Variants in EIF2AK1 observed in about 807,000 individuals in gnomAD.
The protein encoded by EIF2AK1 is eukaryotic translation initiation factor 2-alpha kinase 1.
In EIF2AK1, 54 loss-of-function variants were observed where a neutral mutation model predicts 77.9. The ratio of observed to expected loss-of-function variants is 0.69; its 90% CI spans 0.56 to 0.87. The LOEUF (loss-of-function observed/expected upper bound fraction) is 0.87. Among genes scored for constraint, EIF2AK1 ranks in the 40% least tolerant of loss-of-function variants. The pLI, the probability that EIF2AK1 is intolerant of heterozygous loss-of-function variation, is 0.00. For synonymous variants in EIF2AK1, 314 were observed against 290.5 expected (o/e 1.08, Z -0.82); for missense variants, 810 against 768.6 (o/e 1.05, Z -0.64).
At chr7:6,048,922 C>T in intron 3 of EIF2AK1, 78 bp from the exon 4 acceptor site, 1 of 938,798 alleles carries the variant, frequency 1.1e-6, no homozygotes, top group Non-Finnish European at 1.6e-6. Flanking sequence ...TTCAATATCA[C>T]ATTAACAACC....
Position 6,046,985 on chromosome 7 carries a change from A to G in EIF2AK1, c.549+7T>C. 6.2e-7 allele frequency: 1 copy of G among 1,602,148 alleles called. No homozygotes were observed. The highest frequency in any genetic ancestry group is 8.5e-7 in the Non-Finnish European group (1 of 1,174,454). On this transcript the variant is annotated splice_region_variant and intron_variant, in intron 5 of 14. Coordinates refer to ENST00000199389, the MANE Select transcript of EIF2AK1 (RefSeq NM_014413.4). ...TAGTAGGTCAAAACAAGTACGTGGAAGACAACCTTGTATACTCTTCCGTAT... is the reference window on the plus strand; with the variant it reads ...TAGTAGGTCAAAACAAGTACGTGGAGGACAACCTTGTATACTCTTCCGTAT...
chr7:6,051,080 A>T lies in EIF2AK1; in HGVS notation c.278-1035T>A, dbSNP rs1301869014. ...GAAGAATAAGAGCAGGAGGGCAAAC[A>T]TATGATGAGAACTTACAACAAAAGT... On this transcript the variant is annotated intron_variant, in intron 2 of 14. Transcript: ENST00000199389. Among the ~76,000 whole-genome samples the T allele has an allele frequency of 2.6e-5, 4 of 152,192 alleles. No individual in the cohort carries two copies. The South Asian group carries it at 8.3e-4, about 31-fold the overall frequency.
Position 6,035,591 on chromosome 7 carries a change from G to T in EIF2AK1, c.1332+1833C>A. The T allele has an allele frequency of 6.4e-7, 1 of 1,551,002 alleles. No individual in the cohort carries two copies. The highest frequency in any genetic ancestry group is 1.2e-5 in the South Asian group (1 of 84,054). ...TCACATGTCTCCGCATCTTGTGTGCGCACGGAGCTCAAGTGAACACTCAAG... is the reference window on the plus strand; with the variant it reads ...TCACATGTCTCCGCATCTTGTGTGCTCACGGAGCTCAAGTGAACACTCAAG... On this transcript the variant is annotated intron_variant, in intron 11 of 14. Transcript: ENST00000199389. This position sits in a 1 kb window ranked among gnomAD's most constrained non-coding sequence, Gnocchi z 5.5.
chr7:6,056,347 C>G (rs1161018780), intron 1 of EIF2AK1, among the ~76,000 whole-genome samples: 1 of 145,448 alleles, frequency 6.9e-6, no homozygotes, highest in Non-Finnish European at 1.5e-5. Context: ...ATAATCCCAG[C>G]ACTTTGGGAG....
chr7:6,049,660 T>A, intron 3 of EIF2AK1: 5 of 256,052 alleles, frequency 2.0e-5, no homozygotes, highest in Non-Finnish European at 3.6e-5. Flanking sequence ...AGGTTCTCAC[T>A]CTGCTGCTCA....
At position 6,058,969 on chromosome 7, in the gene EIF2AK1, C is replaced by T; in HGVS notation, c.115G>A (p.Asp39Asn). The change falls in exon 1 of 15, where the codon GAC becomes AAC. Residue 39 changes from aspartate to asparagine, a missense_variant. Asp to Asn is a conservative substitution (Grantham distance 23). Coordinates refer to ENST00000199389, the MANE Select transcript of EIF2AK1 (RefSeq NM_014413.4). Reference protein sequence around the residue: ...FPAEGPDPEYDESDVPAEIQV... With the variant: ...FPAEGPDPEYNESDVPAEIQV... ...ACGCCGCGATCCGATCCCTCACCGT[C>T]ATATTCGGGGTCCGGGCCCTCGGCG... The T allele has an allele frequency of 6.5e-7, 1 of 1,534,994 alleles. No individual in the cohort carries two copies. The highest frequency in any genetic ancestry group is 1.2e-5 in the South Asian group (1 of 82,044).
At chr7:6,030,125 G>A (rs1191117239) in intron 11 of EIF2AK1, among the ~76,000 whole-genome samples, 1 of 152,196 alleles carries the variant, frequency 6.6e-6, no homozygotes, top group African/African-American at 2.4e-5. Context: ...AAACCACATG[G>A]CTCATCCACC....
rs1788559198 is a variant in EIF2AK1 at position 6,049,952 on chromosome 7, A to G, written c.371T>C (p.Ile124Thr). 6.2e-7 allele frequency: 1 copy of G among 1,613,096 alleles called. No individual in the cohort carries two copies. Among genetic ancestry groups the G allele is most frequent in the Non-Finnish European group, 8.5e-7 (1 of 1,179,662 alleles). The change falls in exon 3 of 15, where the codon ATT (isoleucine) becomes ACT (threonine). Residue 124 changes from isoleucine (I) to threonine (T), a missense_variant. Physicochemically the swap from Ile to Thr is moderately conservative, Grantham distance 89. Coordinates refer to ENST00000199389, the MANE Select transcript of EIF2AK1 (RefSeq NM_014413.4). ...TTTAGCAGACCTCATTAAGTGAGTA[A>G]TAGCTCTGTTGTGATGTAGTCTCAA... ...SSLRLHHNRA[I>T]THLMRSAKER...
At chr7:6,049,282 C>T (rs1254738682) in intron 3 of EIF2AK1, among the ~76,000 whole-genome samples, 4 of 152,200 alleles carry the variant, frequency 2.6e-5, no homozygotes, top group African/African-American at 9.6e-5. Context: ...CGGTGGCTCA[C>T]GCCTGTAATC....
intron 14 of EIF2AK1, among the ~76,000 whole-genome samples, chr7:6,025,466 A>C (rs1787716560): frequency 6.6e-6 from 1 of 151,642 alleles, no homozygotes; most frequent in Non-Finnish European, 1.5e-5. Flanking sequence ...AATGCTTGTA[A>C]CTCTTAGAGT....
chr7:6,054,496 G>C (rs371826975), intron 2 of EIF2AK1, 50 bp downstream of exon 2: 2 of 1,601,208 alleles, frequency 1.2e-6, no homozygotes, highest in African/African-American at 2.7e-5. Context: ...GAACCACGGA[G>C]CCCAGCCTTT....
intron 6 of EIF2AK1, among the ~76,000 whole-genome samples, chr7:6,045,200 G>T (rs890937306): frequency 2.6e-5 from 4 of 151,750 alleles, no homozygotes; most frequent in African/African-American, 9.7e-5. Flanking sequence ...CACTTTGCTG[G>T]GTTCAAGTCA....
Position 6,033,781 on chromosome 7 carries a change from G to C in EIF2AK1, c.1332+3643C>G, listed in dbSNP as rs1200456824. 1.3e-5 allele frequency among the ~76,000 whole-genome samples: 2 copies of C among 151,780 alleles called. No individual in the cohort carries two copies. The highest frequency in any genetic ancestry group is 4.8e-5 in the African/African-American group (2 of 41,350). On this transcript the variant is annotated intron_variant, in intron 11 of 14. Coordinates refer to ENST00000199389, the MANE Select transcript of EIF2AK1 (RefSeq NM_014413.4). This position sits in a 1 kb window ranked among gnomAD's most constrained non-coding sequence, Gnocchi z 4.4. ...AGATGGGGTTTCACCATGTTAGCCA[G>C]GATAGTCTCAATCTCCTGACCTCGT... is the stretch of plus-strand genomic sequence containing the variant.
intron 1 of EIF2AK1, among the ~76,000 whole-genome samples, chr7:6,055,853 C>T (rs1788740631): frequency 6.6e-6 from 1 of 150,750 alleles, no homozygotes; most frequent in African/African-American, 2.4e-5. Context: ...GTGGCGCATG[C>T]CTGTAATCAA....
intron 9 of EIF2AK1, among the ~76,000 whole-genome samples, chr7:6,040,628 GGCC>G (rs1788268898): frequency 6.6e-6 from 1 of 152,156 alleles, no homozygotes; most frequent in Non-Finnish European, 1.5e-5. Context: ...GTGTGAGTGA[GGCC>G]GCCAACTCTA....
Position 6,022,572 on chromosome 7 carries a change from C to CT in EIF2AK1, c.*2100dup, listed in dbSNP as rs1787505839. 6.6e-6 allele frequency: 1 copy of CT among 152,164 alleles called. No homozygotes were observed. The highest frequency in any genetic ancestry group is 2.4e-5 in the African/African-American group (1 of 41,438). 9.4% of individuals were successfully genotyped at this position (152,164 alleles called of 1,614,324 possible). A position where few individuals can be genotyped will look rare whatever the true frequency, so the allele number is the denominator to read the frequency against. The stretch of plus-strand genomic sequence containing the variant: ...AGCGATTTGCATCAGGTCAGATATT[C>CT]TAAGTCTAGAAAGCCTGTGGGATAG... On this transcript the variant is annotated 3_prime_UTR_variant, in exon 15 of 15. Transcript: ENST00000199389.
Position 6,035,935 on chromosome 7 carries a change from C to T in EIF2AK1, c.1332+1489G>A. 2.6e-6 allele frequency: 4 copies of T among 1,547,342 alleles called. No individual in the cohort carries two copies. The highest frequency in any genetic ancestry group is 3.5e-6 in the Non-Finnish European group (4 of 1,144,874). On this transcript the variant is annotated intron_variant, in intron 11 of 14. Transcript: ENST00000199389. The surrounding 1 kb of genome is among the most constrained non-coding windows in gnomAD (Gnocchi z 5.5). ...ATCCGTCTGCTACTCACTCACGGAG[C>T]CAAAGTCAACGCCCAGGACTACAAG...
intron 11 of EIF2AK1, 107 bp from the exon 12 acceptor site, chr7:6,029,139 A>AT: frequency 1.1e-6 from 1 of 922,340 alleles, no homozygotes; most frequent in Non-Finnish European, 1.7e-6. Flanking sequence ...AGCCCCTCAA[A>AT]AGTTAAATAT....
In EIF2AK1 at chr7:6,035,897, G is replaced by A. The variant is rs752241633; in HGVS notation, c.1332+1527C>T. On this transcript the variant is annotated intron_variant, in intron 11 of 14. Transcript: ENST00000199389. The surrounding 1 kb of genome is among the most constrained non-coding windows in gnomAD (Gnocchi z 5.5). ...GCAAAGCAGGCCGACTCCTCGGGGC[G>A]GGGGTCAGCTGCATCCGTCTGCTAC... 2.1e-4 allele frequency: 330 copies of A among 1,546,512 alleles called. No individual in the cohort carries two copies. Among genetic ancestry groups the A allele is most frequent in the Non-Finnish European group, 2.7e-4 (304 of 1,144,510 alleles).
Sources: allele counts gnomAD v4.1 joint callset (sites outside exome capture counted in the v4.1 genomes callset), GRCh38; gene constraint gnomAD v4.1.1; non-coding constraint Gnocchi (gnomAD v3.1); transcripts MANE v1.5; gene names NCBI Gene and HGNC (gene_info 2026-07-23, HGNC 2026-07-21).